SCRN3: variants seen among roughly 807,000 people sequenced by gnomAD.
SCRN3 encodes the protein secernin-3.
A neutral mutation model predicts 43.1 loss-of-function variants in SCRN3; 39 were observed. The observed-to-expected ratio is 0.91, with a 90% CI of 0.70 to 1.18. The LOEUF (loss-of-function observed/expected upper bound fraction) is 1.18. Among genes scored for constraint, SCRN3 ranks in the 50% most tolerant of loss-of-function variants. SCRN3 has a pLI of 0.00. For missense variants in SCRN3, 484 were observed against 498.0 expected (o/e 0.97, Z 0.27); for synonymous variants, 147 against 163.1 (o/e 0.90, Z 0.75).
intron 5 of SCRN3, among the ~76,000 whole-genome samples, chr2:174,412,124 C>CA (rs34285450): frequency 0.21 from 29,777 of 144,844 alleles, 3,325 homozygotes; most frequent in Middle Eastern, 0.36. Context: ...GTTAGCAGGG[C>CA]AAAAAAAAAA....
intron 5 of SCRN3, among the ~76,000 whole-genome samples, chr2:174,422,432 G>A (rs1686323134): frequency 6.6e-6 from 1 of 152,078 alleles, no homozygotes; most frequent in Admixed American, 6.5e-5. Context: ...AAATTAGTTG[G>A]GCATGGTGAC....
chr2:174,416,417 T>C (rs1014986223), intron 5 of SCRN3, among the ~76,000 whole-genome samples: 2 of 152,204 alleles, frequency 1.3e-5, no homozygotes, highest in African/African-American at 4.8e-5. Flanking sequence ...ATGCCATTTG[T>C]AGAGATAGGA....
At chr2:174,405,597 A>T (rs78258697) in intron 5 of SCRN3, among the ~76,000 whole-genome samples, 2 of 126,436 alleles carry the variant, frequency 1.6e-5, no homozygotes, top group Admixed American at 1.6e-4. Context: ...TTAGGTCTAA[A>T]GTTTAAGTCT....
chr2:174,401,963 T>G (rs1177544540), intron 4 of SCRN3, among the ~76,000 whole-genome samples: 1 of 152,192 alleles, frequency 6.6e-6, no homozygotes, highest in African/African-American at 2.4e-5. Flanking sequence ...GATTTGAACA[T>G]TTAGAGAACA....
chr2:174,410,169 T>C (rs1685860122), intron 5 of SCRN3: 1 of 150,096 alleles, frequency 6.7e-6, no homozygotes, highest in Admixed American at 6.6e-5. Context: ...TGGTGCGCCG[T>C]TTTTTAAGCC....
chr2:174,404,327 A>G lies in SCRN3; in HGVS notation c.754+12A>G, dbSNP rs757877832. 1.3e-6 allele frequency: 2 copies of G among 1,563,014 alleles called. No individual in the cohort carries two copies. The highest frequency in any genetic ancestry group is 1.8e-6 in the Non-Finnish European group (2 of 1,136,724). Reference sequence around the variant, plus strand: ...AAATAAGCACAAAGGTAATTTTATCATATAAATAATATTAGGATGACAAAC... The same window carrying G: ...AAATAAGCACAAAGGTAATTTTATCGTATAAATAATATTAGGATGACAAAC... On this transcript the variant is annotated intron_variant, in intron 5 of 7. Transcript: ENST00000272732.
intron 5 of SCRN3, among the ~76,000 whole-genome samples, chr2:174,409,304 C>T (rs913622761): frequency 2.6e-4 from 37 of 143,024 alleles, no homozygotes; most frequent in Non-Finnish European, 5.2e-4. Context: ...TGGTTTTCAG[C>T]TCCATCAGCT....
intron 3 of SCRN3, 66 bp from the exon 4 acceptor site, chr2:174,400,924 A>C: frequency 7.7e-7 from 1 of 1,301,100 alleles, no homozygotes; most frequent in Admixed American, 2.7e-5. Context: ...TCTCATGAGC[A>C]TGAAATTATT....
intron 7 of SCRN3, among the ~76,000 whole-genome samples, chr2:174,425,042 T>C (rs1459132411): frequency 6.6e-6 from 1 of 152,148 alleles, no homozygotes; most frequent in East Asian, 1.9e-4. Flanking sequence ...CACCAAAAAT[T>C]ACAAAGCCTC....
rs55700110 is a variant in SCRN3, at chr2:174,400,217, G to A, written c.341+114G>A. The stretch of plus-strand genomic sequence containing the variant: ...AGGGGGCTTTGATACTTTGCAGTTT[G>A]TGTCAAAATGGTTTAAAGTACCGGC... On this transcript the variant is annotated intron_variant, in intron 3 of 7. Transcript: ENST00000272732. 2,032 of 735,938 alleles carry A rather than the reference G, an allele frequency of 2.8e-3. 42 individuals are homozygous for A. In the African/African-American group the frequency reaches 0.034, roughly 12 times the overall value. The allele number at this position is 735,938 out of a possible 1,614,324, so 45.6% of individuals were successfully genotyped here. A position where few individuals can be genotyped will look rare whatever the true frequency, so the allele number is the denominator to read the frequency against.
At chr2:174,397,199 CT>C in intron 1 of SCRN3, 1 of 974,298 alleles carries the variant, frequency 1.0e-6, no homozygotes, top group Non-Finnish European at 1.2e-6. Context: ...ATTTTCTTTT[CT>C]TTTTAAGGAA....
chr2:174,418,874 T>C (rs1471596414), intron 5 of SCRN3, among the ~76,000 whole-genome samples: 1 of 152,200 alleles, frequency 6.6e-6, no homozygotes, highest in Non-Finnish European at 1.5e-5. Context: ...CTAACAGAAA[T>C]ATATTATTTC....
At chr2:174,416,856 A>C (rs1322732852) in intron 5 of SCRN3, among the ~76,000 whole-genome samples, 1 of 152,198 alleles carries the variant, frequency 6.6e-6, no homozygotes, top group Non-Finnish European at 1.5e-5. Flanking sequence ...TTTGGTGCTA[A>C]TACAGCTATT....
Position 174,402,667 on chromosome 2 carries a change from C to T in SCRN3, c.542-1436C>T, listed in dbSNP as rs531029082. Among the ~76,000 whole-genome samples, 7 of 151,868 alleles carry T rather than the reference C, an allele frequency of 4.6e-5. No individual in the cohort carries two copies. In the South Asian group the frequency reaches 8.3e-4, roughly 18 times the overall value. On this transcript the variant is annotated intron_variant, in intron 4 of 7. Transcript: ENST00000272732. ...TTATGCCACTGTACTCTAGCCTGGG[C>T]GAGAGAGTGAGACCCTGTTGAAAGA...
chr2:174,416,570 G>A (rs1314362671), intron 5 of SCRN3, among the ~76,000 whole-genome samples: 1 of 152,170 alleles, frequency 6.6e-6, no homozygotes, highest in Non-Finnish European at 1.5e-5. Flanking sequence ...CCCTTCCTGG[G>A]TTTAGAACTT....
rs61737506 is a variant in SCRN3, at chr2:174,398,334, C to T, written c.51C>T (p.Val17=). The T allele has an allele frequency of 1.4e-3, 2,167 of 1,604,484 alleles. 32 individuals are homozygous for T. In the African/African-American group the frequency reaches 0.025, roughly 19 times the overall value. Reference sequence around the variant, plus strand: ...TCGTGGCATTACCTCCAGCAACAGTCGATAACAGGATTATTTTTGGAAAAA... The same window carrying T: ...TCGTGGCATTACCTCCAGCAACAGTTGATAACAGGATTATTTTTGGAAAAA... ...DTFVALPPAT[V]DNRIIFGKNS... Residue 17 remains valine (V), a synonymous_variant, in exon 2 of 8, where the codon GTC becomes GTT. Coordinates refer to ENST00000272732, the MANE Select transcript of SCRN3 (RefSeq NM_024583.5).
In SCRN3 at chr2:174,403,507, A is replaced by G. The variant is rs187675634; in HGVS notation, c.542-596A>G. Among the ~76,000 whole-genome samples, 7 of 151,258 alleles carry G rather than the reference A, an allele frequency of 4.6e-5. No homozygotes were observed. The East Asian group carries it at 1.4e-3, about 29-fold the overall frequency. ...TAAGTAAGCAAGTTATCATACATTCATACCATGGAATATTACTCACCAATA... is the reference window on the plus strand; with the variant it reads ...TAAGTAAGCAAGTTATCATACATTCGTACCATGGAATATTACTCACCAATA... On this transcript the variant is annotated intron_variant, in intron 4 of 7. Transcript: ENST00000272732.
rs762808428 is a variant in SCRN3 at position 174,427,835 on chromosome 2, G to C, written c.1215G>C (p.Gln405His). 2 of 1,605,658 alleles carry C rather than the reference G, an allele frequency of 1.2e-6. No homozygotes were observed. The highest frequency in any genetic ancestry group is 2.7e-5 in the African/African-American group (2 of 74,800). The change falls in exon 8 of 8, where the codon CAG becomes CAC. Residue 405 changes from glutamine to histidine, a missense_variant. Gln to His is a conservative substitution (Grantham distance 24, BLOSUM62 0). Transcript: ENST00000272732. ...AGAAAATTGTTAATCTCTTTCCTCA[G>C]TGTACAAAAGATGAAATTCAAATTT... ...DVEKIVNLFPQCTKDEIQIYQ... is the reference protein window; with the variant it reads ...DVEKIVNLFPHCTKDEIQIYQ...
intron 1 of SCRN3, chr2:174,396,101 C>A: frequency 9.4e-7 from 1 of 1,064,158 alleles, no homozygotes; most frequent in Non-Finnish European, 1.2e-6. Context: ...CGGCCCTAAC[C>A]GTAGTATGCT....
Sources: gnomAD v4.1 joint callset for allele counts (sites outside exome capture counted in the v4.1 genomes callset) on GRCh38, gnomAD v4.1.1 for gene constraint, MANE v1.5 for transcripts, NCBI Gene and HGNC (gene_info 2026-07-23, HGNC 2026-07-21) for gene names.